Variants in VPS13A observed in about 807,000 individuals in gnomAD.
VPS13A encodes the protein intermembrane lipid transfer protein VPS13A.
Under a neutral mutation model 390.9 loss-of-function variants are expected in VPS13A, and 264 were observed. That is an observed-to-expected ratio of 0.68 (90% CI 0.61 to 0.75). The LOEUF is 0.75. Among genes scored for constraint, VPS13A ranks in the 30% least tolerant of loss-of-function variants. VPS13A has a pLI of 0.00. For missense variants in VPS13A, 3,409 were observed against 3,733.9 expected, an observed-to-expected ratio of 0.91 and a Z score of 2.27; for synonymous variants, 1,231 against 1,227.1, an observed-to-expected ratio of 1.00 and a Z score of -0.07.
In VPS13A at chr9:77,363,371, GAT is replaced by G. The variant is rs570560598; in HGVS notation, c.8212-2086_8212-2085del. Among the ~76,000 whole-genome samples, 7 of 143,616 alleles carry G rather than the reference GAT, an allele frequency of 4.9e-5. No individual in the cohort carries two copies. The East Asian group carries it at 1.2e-3, about 25-fold the overall frequency. 94.2% of individuals were successfully genotyped at this position (143,616 alleles called of 152,430 possible). On this transcript the variant is annotated intron_variant, in intron 59 of 71. Transcript: ENST00000360280. ...TACACTTTTTGGGTTTTGTTCTACT[GAT>G]ATGTTTTATTACATTAATTTTTTTT...
intron 69 of VPS13A, among the ~76,000 whole-genome samples, chr9:77,404,955 GCTCT>G (rs1834530720): frequency 6.6e-6 from 1 of 151,952 alleles, no homozygotes. Flanking sequence ...ATCCTGGCTA[GCTCT>G]CTCCTTTTCC....
intron 68 of VPS13A, among the ~76,000 whole-genome samples, chr9:77,392,888 T>A (rs1398121551): frequency 6.6e-6 from 1 of 151,514 alleles, no homozygotes; most frequent in Non-Finnish European, 1.5e-5. Context: ...GTGTTGATGG[T>A]TGCTGACTGA....
rs1269444309 is a variant in VPS13A, at chr9:77,228,595, C to T, written c.1595+331C>T. 3.3e-5 allele frequency among the ~76,000 whole-genome samples: 5 copies of T among 151,974 alleles called. No individual in the cohort carries two copies. In the East Asian group the frequency reaches 9.7e-4, roughly 29 times the overall value. On this transcript the variant is annotated intron_variant, in intron 17 of 71. Coordinates refer to ENST00000360280, the MANE Select transcript of VPS13A (RefSeq NM_033305.3). ...AGCTTTGAGATGTAATTCACATACC[C>T]TACAATTCATTTAAAGTGTGTGGTT...
intron 1 of VPS13A, 30 bp from the exon 2 acceptor site, chr9:77,199,915 T>G: frequency 6.4e-7 from 1 of 1,567,226 alleles, no homozygotes; most frequent in Non-Finnish European, 8.7e-7. Context: ...AATATTTGAT[T>G]GTTTGAATCT....
chr9:77,221,574 C>G (rs1376832148), intron 13 of VPS13A, among the ~76,000 whole-genome samples: 3 of 152,030 alleles, frequency 2.0e-5, no homozygotes. Context: ...TATTCTCAAT[C>G]GGAAGGAATT....
intron 35 of VPS13A, among the ~76,000 whole-genome samples, chr9:77,311,815 AT>A (rs1248585268): frequency 2.6e-5 from 4 of 152,202 alleles, no homozygotes; most frequent in Non-Finnish European, 4.4e-5. Context: ...AAGATGCACC[AT>A]TTTGTGGACC....
chr9:77,207,662 G>C (rs1013026049), intron 5 of VPS13A, among the ~76,000 whole-genome samples: 1 of 152,044 alleles, frequency 6.6e-6, no homozygotes, highest in Non-Finnish European at 1.5e-5. Flanking sequence ...ATAAACCCTT[G>C]TGTTCTCACT....
At chr9:77,365,821 G>T (rs999167644) in intron 60 of VPS13A, among the ~76,000 whole-genome samples, 1 of 151,990 alleles carries the variant, frequency 6.6e-6, no homozygotes, top group Non-Finnish European at 1.5e-5. Flanking sequence ...CTGTTAAGCT[G>T]TTAGGTGACA....
At chr9:77,302,684 A>G (rs892896442) in intron 33 of VPS13A, among the ~76,000 whole-genome samples, 4 of 152,048 alleles carry the variant, frequency 2.6e-5, no homozygotes, top group African/African-American at 7.2e-5. Flanking sequence ...CTATTTCTGT[A>G]TAATATAGAA....
chr9:77,352,630 AT>A (rs1222993152), intron 53 of VPS13A, among the ~76,000 whole-genome samples: 4 of 152,158 alleles, frequency 2.6e-5, no homozygotes, highest in African/African-American at 9.7e-5. Flanking sequence ...ACTGTAAAAT[AT>A]TAGAAAGACT....
chr9:77,326,792 A>G (rs2131465885), intron 45 of VPS13A, among the ~76,000 whole-genome samples: 1 of 152,264 alleles, frequency 6.6e-6, no homozygotes, highest in East Asian at 1.9e-4. Flanking sequence ...AAACTACTGT[A>G]TATATCAGAA....
rs1226831202 is a variant in VPS13A at position 77,339,775 on chromosome 9, G to C, written c.6638G>C (p.Ser2213Thr). Residue 2213 changes from serine (S) to threonine (T), a missense_variant, in exon 48 of 72, where the codon AGT (serine) becomes ACT (threonine). By Grantham distance (58) the Ser-to-Thr change is moderately conservative. Transcript: ENST00000360280. ...GGTCAGACAGTTGTGGCATTTCATA[G>C]TCCTTATTGGATGGTCAATAAAACT... ...NTGQTVVAFH[S>T]PYWMVNKTGR... The C allele has an allele frequency of 1.2e-6, 2 of 1,614,058 alleles. No individual in the cohort carries two copies. The highest frequency in any genetic ancestry group is 8.5e-7 in the Non-Finnish European group (1 of 1,179,976).
Position 77,311,560 on chromosome 9 carries a change from A to G in VPS13A, c.4115-2432A>G, listed in dbSNP as rs201498550. Among the ~76,000 whole-genome samples the G allele has an allele frequency of 2.0e-5, 3 of 152,292 alleles. No individual in the cohort carries two copies. The East Asian group carries it at 5.8e-4, about 29-fold the overall frequency. ...AATCCTAAATGTGTGTATACCTAAT[A>G]ACAGAACTTTAAAATATATGCAGCA... On this transcript the variant is annotated intron_variant, in intron 35 of 71. Transcript: ENST00000360280.
chr9:77,408,803 C>A (rs987757681), intron 71 of VPS13A, among the ~76,000 whole-genome samples: 15 of 152,342 alleles, frequency 9.8e-5, no homozygotes, highest in African/African-American at 3.6e-4. Flanking sequence ...CTGGGAAGCT[C>A]GAACTGGGTG....
intron 42 of VPS13A, among the ~76,000 whole-genome samples, chr9:77,320,663 G>A (rs1829694715): frequency 6.6e-6 from 1 of 152,032 alleles, no homozygotes; most frequent in Non-Finnish European, 1.5e-5. Flanking sequence ...ATTCCTTGGT[G>A]GTTTTTAGGT....
intron 7 of VPS13A, 85 bp downstream of exon 7, chr9:77,210,760 A>T (rs1590003817): frequency 1.5e-6 from 2 of 1,367,360 alleles, no homozygotes; most frequent in East Asian, 4.6e-5. Flanking sequence ...TGCCAGCATC[A>T]GAAATAGGTG....
intron 23 of VPS13A, among the ~76,000 whole-genome samples, chr9:77,269,761 T>G (rs771721421): frequency 3.3e-5 from 5 of 152,238 alleles, no homozygotes; most frequent in Non-Finnish European, 5.9e-5. Flanking sequence ...GTGTATGGGC[T>G]GAATTGTGCC....
intron 4 of VPS13A, among the ~76,000 whole-genome samples, chr9:77,205,749 G>A (rs775458674): frequency 2.0e-5 from 3 of 151,822 alleles, no homozygotes; most frequent in Non-Finnish European, 2.9e-5. Flanking sequence ...CTGCCACCAC[G>A]CCCAGCTAGC....
chr9:77,414,594 TG>T (rs1227704139), intron 71 of VPS13A, among the ~76,000 whole-genome samples: 5 of 149,258 alleles, frequency 3.3e-5, no homozygotes, highest in Non-Finnish European at 5.9e-5. Flanking sequence ...TGTTATGGGA[TG>T]GGGGGAGGGA....
Sources: allele counts gnomAD v4.1 joint callset (sites outside exome capture counted in the v4.1 genomes callset), GRCh38; gene constraint gnomAD v4.1.1; transcripts MANE v1.5; gene names NCBI Gene and HGNC (gene_info 2026-07-23, HGNC 2026-07-21).